DLG2: variants seen among roughly 807,000 people sequenced by gnomAD.
DLG2 encodes disks large homolog 2.
In DLG2, 45 loss-of-function variants were observed where a neutral mutation model predicts 132.5. The ratio of observed to expected loss-of-function variants is 0.34; its 90% CI spans 0.27 to 0.44. The LOEUF is 0.44. DLG2 is among the 20% of genes least tolerant of loss of function. DLG2 has a pLI of 1.00. For missense variants in DLG2, 1,045 were observed against 1,196.9 expected, an observed-to-expected ratio of 0.87 and a Z score of 1.87; for synonymous variants, 424 against 419.6, an observed-to-expected ratio of 1.01 and a Z score of -0.13.
At chr11:85,511,770 G>C (rs2094076667) in intron 3 of DLG2, among the ~76,000 whole-genome samples, 1 of 148,798 alleles carries the variant, frequency 6.7e-6, no homozygotes, top group South Asian at 2.1e-4. Flanking sequence ...CCAGGCTAAA[G>C]TGCAGTGGTG....
chr11:84,588,889 A>G (rs569841530), intron 6 of DLG2, among the ~76,000 whole-genome samples: 5 of 151,642 alleles, frequency 3.3e-5, no homozygotes, highest in Non-Finnish European at 5.9e-5. Flanking sequence ...ACTTGCTTTT[A>G]CTTTACTCTA....
intron 3 of DLG2, among the ~76,000 whole-genome samples, chr11:85,507,789 TC>T (rs1307174829): frequency 1.3e-5 from 2 of 152,184 alleles, no homozygotes; most frequent in Non-Finnish European, 2.9e-5. Flanking sequence ...CTGGATACTA[TC>T]CTGCAGAGTG....
chr11:84,580,800 A>C (rs2099514564), intron 6 of DLG2, among the ~76,000 whole-genome samples: 1 of 152,228 alleles, frequency 6.6e-6, no homozygotes, highest in South Asian at 2.1e-4. Context: ...AATTCACTTT[A>C]GGAGTTGCCT....
At position 83,515,086 on chromosome 11, in the gene DLG2, A is replaced by G. The variant is rs562099630; in HGVS notation, c.2193+17622T>C. On this transcript the variant is annotated intron_variant, in intron 21 of 27. Coordinates refer to ENST00000376104, the MANE Select transcript of DLG2 (RefSeq NM_001142699.3). ...TCCCTCTTTTTCTATTGATTGGAAT[A>G]GTTTCAGAAGGAATGGTACCAGCTC... is the stretch of plus-strand genomic sequence containing the variant. Among the ~76,000 whole-genome samples, 102 of 152,300 alleles carry G rather than the reference A, an allele frequency of 6.7e-4. 1 individual carries two copies. Among genetic ancestry groups the G allele is most frequent in the African/African-American group, 2.4e-3 (100 of 41,546 alleles).
At chr11:84,294,642 A>G (rs569555478) in intron 7 of DLG2, among the ~76,000 whole-genome samples, 10 of 152,314 alleles carry the variant, frequency 6.6e-5, no homozygotes, top group Admixed American at 1.3e-4. Context: ...CTTGCTCTCT[A>G]TAAGAGACAA....
At chr11:84,072,881 C>A (rs1163838889) in intron 10 of DLG2, among the ~76,000 whole-genome samples, 1 of 152,146 alleles carries the variant, frequency 6.6e-6, no homozygotes. Flanking sequence ...TGCACTAAGC[C>A]AGTGGCAGTC....
At chr11:84,943,389 C>T (rs910516689) in intron 6 of DLG2, among the ~76,000 whole-genome samples, 85 of 152,066 alleles carry the variant, frequency 5.6e-4, no homozygotes, top group African/African-American at 1.9e-3. Flanking sequence ...TTCCTGCCTT[C>T]CTGCATTCCC....
At chr11:85,520,515 CCACACACACA>C (rs3068471) in intron 3 of DLG2, among the ~76,000 whole-genome samples, 4 of 148,038 alleles carry the variant, frequency 2.7e-5, no homozygotes, top group Admixed American at 6.7e-5. Flanking sequence ...GTATATGGAA[CCACACACACA>C]CACACACACA....
At chr11:84,815,778 G>A (rs936979809) in intron 6 of DLG2, among the ~76,000 whole-genome samples, 1 of 151,996 alleles carries the variant, frequency 6.6e-6, no homozygotes, top group African/African-American at 2.4e-5. Flanking sequence ...TCTATTAACT[G>A]GGAGGAATGC....
intron 3 of DLG2, among the ~76,000 whole-genome samples, chr11:85,292,197 A>G (rs147532051): frequency 6.6e-6 from 1 of 152,188 alleles, no homozygotes; most frequent in East Asian, 1.9e-4. Flanking sequence ...TCATTCTCCC[A>G]ATCCATATGA....
At chr11:83,467,771 G>GTATATATATATATATATATATATATA (rs1192401405) in intron 25 of DLG2, among the ~76,000 whole-genome samples, 1 of 85,056 alleles carries the variant, frequency 1.2e-5, no homozygotes, top group South Asian at 4.7e-4. Flanking sequence ...AAAACTATAT[G>GTATATATATATATATATATATATATA]TATATATATA....
chr11:85,090,655 G>C (rs137936995), intron 6 of DLG2, among the ~76,000 whole-genome samples: 6 of 152,086 alleles, frequency 3.9e-5, no homozygotes, highest in Admixed American at 3.9e-4. Flanking sequence ...TTCAATGAAG[G>C]GTAAGCTTGT....
chr11:84,296,036 T>C (rs1275301877), intron 7 of DLG2, among the ~76,000 whole-genome samples: 1 of 152,186 alleles, frequency 6.6e-6, no homozygotes, highest in Non-Finnish European at 1.5e-5. Flanking sequence ...CAAAATGTGG[T>C]TTATCAATTT....
chr11:84,720,642 A>G (rs1596478903), intron 6 of DLG2, among the ~76,000 whole-genome samples: 1 of 152,074 alleles, frequency 6.6e-6, no homozygotes. Context: ...TTTTCCCCCT[A>G]CGGTGAATTT....
intron 3 of DLG2, among the ~76,000 whole-genome samples, chr11:85,351,967 T>G (rs1267149834): frequency 2.0e-5 from 3 of 152,222 alleles, no homozygotes; most frequent in African/African-American, 7.2e-5. Flanking sequence ...TTGATTGGAA[T>G]AGTTTCAGAA....
At chr11:85,104,644 T>C (rs1018689092) in intron 6 of DLG2, among the ~76,000 whole-genome samples, 1 of 151,774 alleles carries the variant, frequency 6.6e-6, no homozygotes, top group African/African-American at 2.4e-5. Flanking sequence ...GGAGTGATAG[T>C]TGTACAACTC....
intron 3 of DLG2, among the ~76,000 whole-genome samples, chr11:85,362,882 C>T (rs1164399248): frequency 6.6e-6 from 1 of 152,024 alleles, no homozygotes; most frequent in East Asian, 1.9e-4. Flanking sequence ...TGAGGAGCAG[C>T]CTTTAATAAA....
chr11:85,195,806 C>T (rs1595279900), intron 4 of DLG2, among the ~76,000 whole-genome samples: 2 of 151,984 alleles, frequency 1.3e-5, no homozygotes, highest in South Asian at 4.2e-4. Context: ...GATTACAAGC[C>T]TGAGCCACCG....
At chr11:83,483,141 C>G (rs918462568) in intron 22 of DLG2, 1 of 833,204 alleles carries the variant, frequency 1.2e-6, no homozygotes, top group East Asian at 2.5e-5. Context: ...AAATAAAACT[C>G]GTATCTTGTG....
Sources: gnomAD v4.1 joint callset for allele counts (sites outside exome capture counted in the v4.1 genomes callset) on GRCh38, gnomAD v4.1.1 for gene constraint, MANE v1.5 for transcripts, NCBI Gene and HGNC (gene_info 2026-07-23, HGNC 2026-07-21) for gene names.